The following VKORC1 variants were observed in gnomAD, a reference collection of about 807,000 sequenced individuals.
VKORC1 encodes the protein phylloquinone epoxide reductase.
A neutral mutation model predicts 14.8 loss-of-function variants in VKORC1; 12 were observed. The ratio of observed to expected loss-of-function variants is 0.81; its 90% CI spans 0.52 to 1.31. The LOEUF (loss-of-function observed/expected upper bound fraction) is 1.31. Among genes scored for constraint, VKORC1 ranks in the 50% most tolerant of loss-of-function variants. The pLI, the probability that VKORC1 is intolerant of heterozygous loss-of-function variation, is 0.00. For missense variants in VKORC1, 223 were observed against 215.3 expected (o/e 1.04, Z -0.22); for synonymous variants, 94 against 92.5 (o/e 1.02, Z -0.09).
intron 2 of VKORC1, chr16:31,092,860 AC>A: frequency 1.1e-6 from 1 of 948,200 alleles, no homozygotes; most frequent in Non-Finnish European, 1.4e-6. Context: ...ATGGCGAGAC[AC>A]CATCTCTACC....
At chr16:31,091,888 A>G (rs1048909958) in intron 2 of VKORC1, among the ~76,000 whole-genome samples, 14 of 151,198 alleles carry the variant, frequency 9.3e-5, no homozygotes, top group Admixed American at 8.6e-4. Context: ...CTTCGTCTCA[A>G]AAAAAAAATG....
chr16:31,091,816 G>A (rs1304655703), intron 2 of VKORC1, among the ~76,000 whole-genome samples: 1 of 152,066 alleles, frequency 6.6e-6, no homozygotes, highest in Non-Finnish European at 1.5e-5. Flanking sequence ...AACCTAGGAG[G>A]TGGAGGTTGC....
At chr16:31,091,493 G>T in intron 2 of VKORC1, 151 bp from the exon 3 acceptor site, 1 of 1,474,690 alleles carries the variant, frequency 6.8e-7, no homozygotes, top group Non-Finnish European at 9.1e-7. Flanking sequence ...GCTTACGCAC[G>T]TATTCCAAAC....
In VKORC1 at chr16:31,090,967, G is replaced by A. The variant is rs150560447; in HGVS notation, c.*167C>T. 13 of 1,145,122 alleles carry A rather than the reference G, an allele frequency of 1.1e-5. No homozygotes were observed. The highest frequency in any genetic ancestry group is 4.6e-5 in the Admixed American group (2 of 43,692). The allele number at this position is 1,145,122 out of a possible 1,614,324, so 70.9% of individuals were successfully genotyped here. ...AGAGGCACTGGGTGTAAAAAAGAGCGAGCGTGTGGCACATTTGGTCCATTG... is the reference window on the plus strand; with the variant it reads ...AGAGGCACTGGGTGTAAAAAAGAGCAAGCGTGTGGCACATTTGGTCCATTG... On this transcript the variant is annotated 3_prime_UTR_variant, in exon 3 of 3. Transcript: ENST00000394975.
At chr16:31,092,919 G>A in intron 2 of VKORC1, 1 of 493,408 alleles carries the variant, frequency 2.0e-6, no homozygotes, top group Non-Finnish European at 3.3e-6. Context: ...GTGCACGCCT[G>A]TGATTCCAGC....
chr16:31,094,226 C>T (rs890077791), intron 1 of VKORC1: 1 of 1,604,972 alleles, frequency 6.2e-7, no homozygotes, highest in South Asian at 1.1e-5. Context: ...CGCCAACACC[C>T]CCCTTCACCT....
intron 1 of VKORC1, chr16:31,093,881 AT>A: frequency 3.4e-6 from 1 of 291,716 alleles, no homozygotes; most frequent in Non-Finnish European, 6.5e-6. Context: ...TAATTTTTCT[AT>A]TTTTGGTAGA....
chr16:31,094,521 GC>G (rs761490607), intron 1 of VKORC1, 35 bp downstream of exon 1: 1 of 1,612,428 alleles, frequency 6.2e-7, no homozygotes, highest in Admixed American at 1.7e-5. Flanking sequence ...TGGCCGCCCT[GC>G]TCCGAGGCCC....
intron 1 of VKORC1, 115 bp from the exon 2 acceptor site, chr16:31,093,536 G>A (rs1477048280): frequency 1.8e-5 from 28 of 1,561,734 alleles, no homozygotes; most frequent in East Asian, 2.4e-5. Context: ...TCTGTTCCCC[G>A]ACCTCCCATC....
intron 2 of VKORC1, 140 bp from the exon 3 acceptor site, chr16:31,091,482 G>A: frequency 6.7e-7 from 1 of 1,502,432 alleles, no homozygotes; most frequent in Non-Finnish European, 8.9e-7. Context: ...CAGATGTGGT[G>A]GCTTACGCAC....
chr16:31,092,855 G>A (rs923073734), intron 2 of VKORC1: 10 of 1,010,220 alleles, frequency 9.9e-6, no homozygotes, highest in Non-Finnish European at 7.9e-6. Flanking sequence ...GCAACATGGC[G>A]AGACACCATC....
intron 1 of VKORC1, 96 bp from the exon 2 acceptor site, chr16:31,093,517 G>A: frequency 1.3e-6 from 2 of 1,586,586 alleles, no homozygotes; most frequent in Non-Finnish European, 1.7e-6. Flanking sequence ...GAAGCCACCT[G>A]GGCTATCCTC....
intron 2 of VKORC1, chr16:31,092,716 C>G: frequency 1.6e-6 from 2 of 1,266,266 alleles, no homozygotes; most frequent in Non-Finnish European, 2.0e-6. Flanking sequence ...TGCTCAGCTT[C>G]TCCTTAAAAA....
chr16:31,094,188 G>A (rs773770064), intron 1 of VKORC1: 6 of 1,584,248 alleles, frequency 3.8e-6, no homozygotes, highest in Middle Eastern at 1.7e-4. Flanking sequence ...CAGCCAGACC[G>A]GGCCACCTTG....
In VKORC1 at chr16:31,093,343, A is replaced by G. The variant is rs2057303312; in HGVS notation, c.252T>C (p.Gly84=). The G allele has an allele frequency of 6.2e-7, 1 of 1,613,974 alleles. No individual in the cohort carries two copies. Residue 84 remains glycine, a synonymous_variant, in exon 2 of 3, where the codon GGT becomes GGC. Transcript: ENST00000394975. ...SILNQSNSIF[G]CIFYTLQLLL... ...ATAGCTGTAGTGTGTAGAAGATGCA[A>G]CCGAATATGCTGTTGGATTGATTGA... is the stretch of plus-strand genomic sequence containing the variant.
In VKORC1 at chr16:31,091,109, G is replaced by A. The variant is rs2057285983; in HGVS notation, c.*25C>T. ...TCACATGCCAAAGCAAAGCAGATGA[G>A]GTCAGCCTGGCTTGGGTTGAGGGCT... On this transcript the variant is annotated 3_prime_UTR_variant, in exon 3 of 3. Coordinates refer to ENST00000394975, the MANE Select transcript of VKORC1 (RefSeq NM_024006.6). The A allele has an allele frequency of 6.2e-7, 1 of 1,612,114 alleles. No individual in the cohort carries two copies. Among genetic ancestry groups the A allele is most frequent in the Admixed American group, 1.7e-5 (1 of 59,934 alleles).
At chr16:31,091,458 A>T (rs2057289796) in intron 2 of VKORC1, 116 bp from the exon 3 acceptor site, 6 of 1,530,188 alleles carry the variant, frequency 3.9e-6, no homozygotes, top group Non-Finnish European at 5.3e-6. Flanking sequence ...TCTCTAAAAC[A>T]AGAGGCTCCA....
intron 2 of VKORC1, chr16:31,092,771 A>T: frequency 7.8e-7 from 1 of 1,281,778 alleles, no homozygotes. Context: ...TTGGTGGGGC[A>T]TGGTAGCTCA....
Position 31,090,914 on chromosome 16 carries a change from T to C in VKORC1, c.*220A>G, listed in dbSNP as rs2057283363. ...CCCTCCCTGGGCAATGGAAAGAGCTTTGGAGACCAGCCCATGGGGACAGAG... is the reference window on the plus strand; with the variant it reads ...CCCTCCCTGGGCAATGGAAAGAGCTCTGGAGACCAGCCCATGGGGACAGAG... On this transcript the variant is annotated 3_prime_UTR_variant, in exon 3 of 3. Coordinates refer to ENST00000394975, the MANE Select transcript of VKORC1 (RefSeq NM_024006.6). The C allele has an allele frequency of 5.8e-6, 4 of 689,092 alleles. No homozygotes were observed. The highest frequency in any genetic ancestry group is 1.8e-5 in the African/African-American group (1 of 55,538). 42.7% of individuals were successfully genotyped at this position (689,092 alleles called of 1,614,324 possible). A position where few individuals can be genotyped will look rare whatever the true frequency, so the allele number is the denominator to read the frequency against.
Sources: gnomAD v4.1 joint callset for allele counts (sites outside exome capture counted in the v4.1 genomes callset) on GRCh38, gnomAD v4.1.1 for gene constraint, MANE v1.5 for transcripts, NCBI Gene and HGNC (gene_info 2026-07-23, HGNC 2026-07-21) for gene names.